Variants in DAB1 observed in about 807,000 individuals in gnomAD.
DAB1 encodes the protein disabled homolog 1.
DAB1 carries 15 observed loss-of-function variants against 64.6 expected under a neutral mutation model. The ratio of observed to expected loss-of-function variants is 0.23; its 90% CI spans 0.16 to 0.36. DAB1 has a LOEUF of 0.36. Among genes scored for constraint, DAB1 ranks in the 10% least tolerant of loss-of-function variants. DAB1 has a pLI of 1.00. For synonymous variants in DAB1, 235 were observed against 251.9 expected (o/e 0.93, Z 0.64); for missense variants, 596 against 706.7 (o/e 0.84, Z 1.78).
intron 3 of DAB1, among the ~76,000 whole-genome samples, chr1:58,399,770 C>G (rs1644554590): frequency 6.6e-6 from 1 of 152,200 alleles, no homozygotes. Flanking sequence ...TTTATTATCC[C>G]TATTTTACAG....
In DAB1 at chr1:57,043,377, C is replaced by G. The variant is rs17114862; in HGVS notation, c.724-17334G>C. Among the ~76,000 whole-genome samples the G allele has an allele frequency of 6.1e-3, 928 of 152,288 alleles. 9 individuals are homozygous for G. Among genetic ancestry groups the G allele is most frequent in the African/African-American group, 0.021 (868 of 41,566 alleles). Reference sequence around the variant, plus strand: ...AGCTACTTTAGATTCCTCTCTCTCCCACACTTTGACATGTAAGCTTTCATG... The same window carrying G: ...AGCTACTTTAGATTCCTCTCTCTCCGACACTTTGACATGTAAGCTTTCATG... On this transcript the variant is annotated intron_variant, in intron 9 of 14. Coordinates refer to ENST00000371236, the MANE Select transcript of DAB1 (RefSeq NM_001365792.1).
At chr1:57,556,440 A>AT (rs532542369) in intron 7 of DAB1, among the ~76,000 whole-genome samples, 46 of 146,754 alleles carry the variant, frequency 3.1e-4, no homozygotes, top group South Asian at 1.3e-3. Flanking sequence ...TCCAACATCT[A>AT]TTTTTTTTTT....
At chr1:57,096,689 C>T (rs1380864871) in intron 4 of DAB1, among the ~76,000 whole-genome samples, 1 of 152,176 alleles carries the variant, frequency 6.6e-6, no homozygotes, top group Non-Finnish European at 1.5e-5. Context: ...CCCTCTTTCA[C>T]AGGCTCCACT....
chr1:57,526,853 G>A (rs187285203), intron 7 of DAB1, among the ~76,000 whole-genome samples: 9 of 152,106 alleles, frequency 5.9e-5, no homozygotes, highest in South Asian at 2.1e-4. Flanking sequence ...TTACAAGTGC[G>A]AATTATTATT....
chr1:57,666,257 A>G (rs1044079006), intron 6 of DAB1, among the ~76,000 whole-genome samples: 3 of 152,208 alleles, frequency 2.0e-5, no homozygotes, highest in Non-Finnish European at 2.9e-5. Context: ...GCTTAGGGAA[A>G]AAAGGACGAG....
intron 6 of DAB1, among the ~76,000 whole-genome samples, chr1:57,666,427 C>G (rs545306670): frequency 1.3e-5 from 2 of 152,220 alleles, no homozygotes; most frequent in African/African-American, 2.4e-5. Context: ...ATGGAGCTTC[C>G]TAGGAAATAG....
At chr1:58,132,576 G>A (rs1025867584) in intron 5 of DAB1, among the ~76,000 whole-genome samples, 7 of 152,250 alleles carry the variant, frequency 4.6e-5, no homozygotes, top group Admixed American at 2.0e-4. Context: ...TGCAGTCTGC[G>A]TGAGATGAAA....
intron 6 of DAB1, among the ~76,000 whole-genome samples, chr1:57,782,942 G>C (rs1168116773): frequency 3.9e-5 from 6 of 151,942 alleles, no homozygotes; most frequent in Non-Finnish European, 8.8e-5. Flanking sequence ...AAATCATTTA[G>C]CATGAATGGT....
chr1:58,241,107 A>T (rs1660273828), intron 4 of DAB1, among the ~76,000 whole-genome samples: 1 of 152,200 alleles, frequency 6.6e-6, no homozygotes, highest in Admixed American at 6.5e-5. Context: ...GTATCTAAAT[A>T]GTCCTTAAGA....
At chr1:58,340,637 A>G (rs2100504536) in intron 4 of DAB1, among the ~76,000 whole-genome samples, 1 of 152,278 alleles carries the variant, frequency 6.6e-6, no homozygotes. Context: ...CAACTCCCCA[A>G]ATCACAATAA....
chr1:58,397,256 C>T (rs955523473), intron 3 of DAB1, among the ~76,000 whole-genome samples: 15 of 152,148 alleles, frequency 9.9e-5, no homozygotes, highest in African/African-American at 3.4e-4. Flanking sequence ...GGCCCAGGCA[C>T]AACATTCCTG....
Position 58,478,168 on chromosome 1 carries a change from C to T in DAB1, n.257+27892G>A, listed in dbSNP as rs116434063. Among the ~76,000 whole-genome samples the T allele has an allele frequency of 3.8e-3, 581 of 152,226 alleles. 6 individuals carry two copies. The highest frequency in any genetic ancestry group is 0.014 in the African/African-American group (567 of 41,532). On this transcript the variant is annotated intron_variant and non_coding_transcript_variant, in intron 3 of 20. Coordinates refer to the DAB1 transcript ENST00000485760. ...GTTCTCCTGATAGTGAGTGACTTCTCACCATATCTGATGGTTTTATGGGGC... is the reference window on the plus strand; with the variant it reads ...GTTCTCCTGATAGTGAGTGACTTCTTACCATATCTGATGGTTTTATGGGGC...
At chr1:57,409,519 C>A (rs1000663328) in intron 1 of DAB1, among the ~76,000 whole-genome samples, 2 of 152,118 alleles carry the variant, frequency 1.3e-5, no homozygotes, top group African/African-American at 4.8e-5. Context: ...AACTTTAAAC[C>A]AGCATCAGGG....
intron 3 of DAB1, among the ~76,000 whole-genome samples, chr1:57,138,779 C>A (rs1026579064): frequency 6.6e-5 from 10 of 152,178 alleles, no homozygotes; most frequent in African/African-American, 2.4e-4. Flanking sequence ...ACCCTTTATG[C>A]CAAATTGCAT....
At chr1:58,371,142 T>A (rs1169337895) in intron 3 of DAB1, among the ~76,000 whole-genome samples, 1 of 152,170 alleles carries the variant, frequency 6.6e-6, no homozygotes, top group Non-Finnish European at 1.5e-5. Flanking sequence ...TTGAATATTT[T>A]TCACCAAAAT....
At chr1:57,085,322 T>C (rs1050687847) in intron 4 of DAB1, among the ~76,000 whole-genome samples, 1 of 152,220 alleles carries the variant, frequency 6.6e-6, no homozygotes, top group African/African-American at 2.4e-5. Context: ...CTTCCTGGCA[T>C]AGATTTTCAT....
intron 2 of DAB1, among the ~76,000 whole-genome samples, chr1:57,168,901 T>A (rs2100915270): frequency 6.6e-6 from 1 of 151,974 alleles, no homozygotes; most frequent in Non-Finnish European, 1.5e-5. Flanking sequence ...ACAAAAAATT[T>A]AAAAAATTAG....
At chr1:58,145,572 A>G (rs982159944) in intron 5 of DAB1, among the ~76,000 whole-genome samples, 1 of 152,236 alleles carries the variant, frequency 6.6e-6, no homozygotes. Context: ...GCTAAATACT[A>G]CAATTATTGA....
At chr1:57,802,569 C>T (rs1651179360) in intron 6 of DAB1, among the ~76,000 whole-genome samples, 1 of 152,096 alleles carries the variant, frequency 6.6e-6, no homozygotes. Flanking sequence ...GAATCATAAC[C>T]CCCATTGTTG....
Sources: gnomAD v4.1 joint callset for allele counts (sites outside exome capture counted in the v4.1 genomes callset) on GRCh38, gnomAD v4.1.1 for gene constraint, MANE v1.5 for transcripts, NCBI Gene and HGNC (gene_info 2026-07-23, HGNC 2026-07-21) for gene names.